Variants in COL21A1 observed in about 807,000 individuals in gnomAD.
The protein encoded by COL21A1 is collagen type XXI alpha 1 chain, also known as collagen alpha-1(XXI) chain.
A neutral mutation model predicts 137.9 loss-of-function variants in COL21A1; 149 were observed. The ratio of observed to expected loss-of-function variants is 1.08; its 90% CI spans 0.95 to 1.24. COL21A1 has a LOEUF of 1.24. COL21A1 is among the 50% of genes most tolerant of loss of function. The pLI is 0.00. For missense variants in COL21A1, 1,167 were observed against 1,158.4 expected (o/e 1.01, Z -0.11); for synonymous variants, 456 against 391.5 (o/e 1.16, Z -1.95).
At chr6:56,246,765 C>G (rs185294343) in intron 1 of COL21A1, among the ~76,000 whole-genome samples, 236 of 152,328 alleles carry the variant, frequency 1.5e-3, no homozygotes, top group Non-Finnish European at 2.9e-3. Flanking sequence ...CTTGCTGCTG[C>G]GGGCCAGATG....
At chr6:56,311,340 C>T (rs1378413131) in intron 1 of COL21A1, among the ~76,000 whole-genome samples, 1 of 152,158 alleles carries the variant, frequency 6.6e-6, no homozygotes, top group Non-Finnish European at 1.5e-5. Flanking sequence ...ATCAGAGCCC[C>T]TTGGCAGAGA....
chr6:56,115,355 G>A (rs544212049), intron 16 of COL21A1, among the ~76,000 whole-genome samples: 85 of 151,748 alleles, frequency 5.6e-4, no homozygotes, highest in African/African-American at 2.0e-3. Flanking sequence ...GAGAAAGTAA[G>A]GGAAGAGAAA....
chr6:56,170,552 A>G (rs752269134), intron 5 of COL21A1, 97 bp downstream of exon 5: 32 of 747,600 alleles, frequency 4.3e-5, no homozygotes, highest in Non-Finnish European at 6.0e-5. Flanking sequence ...ATTTCCAATC[A>G]TGTTAAAATT....
At position 56,060,744 on chromosome 6, in the gene COL21A1, T is replaced by C; in HGVS notation, c.2404A>G (p.Arg802Gly). The change falls in exon 27 of 30, where the codon AGA (arginine) becomes GGA (glycine). Residue 802 changes from arginine (R) to glycine (G), a missense_variant. Coordinates refer to ENST00000244728, the MANE Select transcript of COL21A1 (RefSeq NM_030820.4). ...AAATGCTATATTTGATACCTACCTC[T>C]TATTACATCTGTGCAAACTTGTCGA... ...FIRQVCTDVI[R>G]AQLPVLLQSG... The C allele has an allele frequency of 6.2e-7, 1 of 1,603,062 alleles. No homozygotes were observed.
At chr6:56,280,619 C>T (rs1763767153) in intron 1 of COL21A1, among the ~76,000 whole-genome samples, 1 of 152,212 alleles carries the variant, frequency 6.6e-6, no homozygotes, top group African/African-American at 2.4e-5. Flanking sequence ...GGCTTGCATA[C>T]TTCTTGACCA....
At chr6:56,075,789 G>A (rs12214985) in intron 18 of COL21A1, among the ~76,000 whole-genome samples, 10,871 of 151,486 alleles carry the variant, frequency 0.072, 432 homozygotes, top group Middle Eastern at 0.12. Context: ...TAGTAGCTTA[G>A]ATGGAGTTGG....
chr6:56,067,211 G>T, intron 23 of COL21A1, 84 bp downstream of exon 23: 1 of 1,135,032 alleles, frequency 8.8e-7, no homozygotes, highest in Non-Finnish European at 1.3e-6. Flanking sequence ...TGTTGAAACA[G>T]AAAGGAATTT....
chr6:56,165,227 C>A (rs1051743543), intron 7 of COL21A1, among the ~76,000 whole-genome samples: 2 of 152,082 alleles, frequency 1.3e-5, no homozygotes, highest in Non-Finnish European at 2.9e-5. Flanking sequence ...TAAAATCTTG[C>A]ACTTTAGGAG....
chr6:56,372,583 C>T lies in COL21A1; in HGVS notation c.-39+21388G>A, dbSNP rs555551518. ...GAATTTCTTGTTTACAAGTGACAGA[C>T]GCTCAACTCATAAGGGAGTATGTAA... On this transcript the variant is annotated intron_variant, in intron 1 of 28. Transcript: ENST00000370819. 3.3e-5 allele frequency among the ~76,000 whole-genome samples: 5 copies of T among 152,286 alleles called. No homozygotes were observed. In the South Asian group the frequency reaches 6.2e-4, roughly 19 times the overall value.
chr6:56,169,790 A>G (rs1178083929), intron 5 of COL21A1, among the ~76,000 whole-genome samples: 2 of 151,978 alleles, frequency 1.3e-5, no homozygotes, highest in African/African-American at 2.4e-5. Context: ...TCTATTTCAT[A>G]CCAGTTGCCT....
At chr6:56,308,557 G>A (rs943046215) in intron 1 of COL21A1, among the ~76,000 whole-genome samples, 5 of 152,314 alleles carry the variant, frequency 3.3e-5, no homozygotes, top group East Asian at 1.9e-4. Flanking sequence ...TGGAATAGTG[G>A]TTTCCAGGAA....
At chr6:56,356,282 G>A (rs549761460) in intron 1 of COL21A1, among the ~76,000 whole-genome samples, 27 of 152,260 alleles carry the variant, frequency 1.8e-4, no homozygotes, top group Admixed American at 1.0e-3. Context: ...AGACTGAGAT[G>A]TCTCAATCTC....
At chr6:56,090,856 A>G (rs1006335923) in intron 17 of COL21A1, among the ~76,000 whole-genome samples, 4 of 151,746 alleles carry the variant, frequency 2.6e-5, no homozygotes, top group African/African-American at 7.3e-5. Context: ...CAGATATATG[A>G]GTTTCAAGTT....
At chr6:56,212,717 A>T (rs567491098) in intron 1 of COL21A1, among the ~76,000 whole-genome samples, 5 of 152,174 alleles carry the variant, frequency 3.3e-5, no homozygotes, top group Admixed American at 3.3e-4. Context: ...ACAGAGCATC[A>T]TTTTCACCTC....
chr6:56,099,043 G>T (rs997861235), intron 17 of COL21A1, among the ~76,000 whole-genome samples: 1 of 150,492 alleles, frequency 6.6e-6, no homozygotes, highest in Non-Finnish European at 1.5e-5. Context: ...TATCTTTTTA[G>T]GTTTTATGAA....
chr6:56,295,900 C>T (rs1764154786), intron 1 of COL21A1, among the ~76,000 whole-genome samples: 1 of 151,808 alleles, frequency 6.6e-6, no homozygotes, highest in South Asian at 2.1e-4. Context: ...TATTTCTTCC[C>T]TTCCAGTTGG....
At chr6:56,181,782 T>C (rs979657889) in intron 2 of COL21A1, among the ~76,000 whole-genome samples, 1 of 152,162 alleles carries the variant, frequency 6.6e-6, no homozygotes, top group Non-Finnish European at 1.5e-5. Context: ...CCTCACAAGC[T>C]GTATGATGCT....
At chr6:56,170,549 A>G (rs1776953518) in intron 5 of COL21A1, 100 bp downstream of exon 5, 1 of 744,164 alleles carries the variant, frequency 1.3e-6, no homozygotes, top group African/African-American at 1.8e-5. Flanking sequence ...AATATTTCCA[A>G]TCATGTTAAA....
At chr6:56,319,290 G>A (rs955216232) in intron 1 of COL21A1, among the ~76,000 whole-genome samples, 3 of 152,100 alleles carry the variant, frequency 2.0e-5, no homozygotes, top group African/African-American at 7.2e-5. Context: ...AGAGGGGAAG[G>A]AAAGGTGGAA....
Sources: allele counts gnomAD v4.1 joint callset (sites outside exome capture counted in the v4.1 genomes callset), GRCh38; gene constraint gnomAD v4.1.1; transcripts MANE v1.5; gene names NCBI Gene and HGNC (gene_info 2026-07-23, HGNC 2026-07-21).